The following WDR5B variants were observed in gnomAD, a reference collection of about 807,000 sequenced individuals.
WDR5B encodes WD repeat domain 5B.
WDR5B carries 17 observed loss-of-function variants against 24.0 expected under a neutral mutation model. The ratio of observed to expected loss-of-function variants is 0.71; its 90% confidence interval spans 0.49 to 1.06. WDR5B has a LOEUF of 1.06. Among genes scored for constraint, WDR5B ranks in the 50% least tolerant of loss-of-function variants. WDR5B has a pLI of 0.00. For synonymous variants in WDR5B, 150 were observed against 146.4 expected, an observed-to-expected ratio of 1.02 and a Z score of -0.18; for missense variants, 368 against 384.1, an observed-to-expected ratio of 0.96 and a Z score of 0.35.
Position 122,415,731 on chromosome 3 carries a change from TTTTG to T in WDR5B, c.-207_-204del. 2 of 602,206 alleles carry T rather than the reference TTTTG, an allele frequency of 3.3e-6. No homozygotes were observed. The highest frequency in any genetic ancestry group is 2.8e-6 in the Non-Finnish European group (1 of 353,470). The allele number at this position is 602,206 out of a possible 1,614,324, so 37.3% of individuals were successfully genotyped here. On this transcript the variant is annotated 5_prime_UTR_variant, in exon 1 of 1. The change creates a premature stop within an existing upstream ORF in the 5' untranslated region. Coordinates refer to ENST00000330689, the MANE Select transcript of WDR5B (RefSeq NM_019069.4). ...CGGCTTGGACTTCAAGTTTTCATCT[TTTTG>T]TTAAGTACTTGAGAAATACTGTTAG...
rs923672188 is a variant in WDR5B, at chr3:122,412,115, C to T, written c.*2421G>A. On this transcript the variant is annotated 3_prime_UTR_variant, in exon 1 of 1. Transcript: ENST00000330689. Reference sequence around the variant, plus strand: ...ATAGTCCTCAGATTTATCAAGCAAACGAAACTGAATGAGCACTACTATAAG... The same window carrying T: ...ATAGTCCTCAGATTTATCAAGCAAATGAAACTGAATGAGCACTACTATAAG... The T allele has an allele frequency of 4.6e-5, 7 of 152,214 alleles. No homozygotes were observed. The highest frequency in any genetic ancestry group is 1.0e-4 in the Non-Finnish European group (7 of 68,030). 9.4% of individuals were successfully genotyped at this position (152,214 alleles called of 1,614,324 possible).
At position 122,414,883 on chromosome 3, in the gene WDR5B, CAA is replaced by C. The variant is rs747942214; in HGVS notation, c.644_645del (p.Phe215CysfsTer8). 23 of 1,613,996 alleles carry C rather than the reference CAA, an allele frequency of 1.4e-5. No homozygotes were observed. Among genetic ancestry groups the C allele is most frequent in the Admixed American group, 3.3e-5 (2 of 59,990 alleles). On this transcript the variant is annotated frameshift_variant, in exon 1 of 1. Coordinates refer to ENST00000330689, the MANE Select transcript of WDR5B (RefSeq NM_019069.4). LOFTEE classifies it high-confidence loss of function. ...LVDDDNPPVSFVKFSPNGKYI... is the reference protein window; with the variant it reads ...LVDDDNPPVSXVKFSPNGKYI... ...TATTTACCATTTGGAGAAAATTTTA[CAA>C]AAGAGACAGGAGGGTTATCGTCATC...
At position 122,414,461 on chromosome 3, in the gene WDR5B, A is replaced by C; in HGVS notation, c.*75T>G. 6.7e-7 allele frequency: 1 copy of C among 1,503,308 alleles called. No homozygotes were observed. The highest frequency in any genetic ancestry group is 8.8e-7 in the Non-Finnish European group (1 of 1,130,030). The allele number at this position is 1,503,308 out of a possible 1,614,324, so 93.1% of individuals were successfully genotyped here. ...AATTTTTAAAATACCAAACTGCCAA[A>C]ATTAAAAGAAACCGTCTTTTTAAAT... is the stretch of plus-strand genomic sequence containing the variant. On this transcript the variant is annotated 3_prime_UTR_variant, in exon 1 of 1. Transcript: ENST00000330689.
In WDR5B at chr3:122,414,005, A is replaced by C. The variant is rs1357764497; in HGVS notation, c.*531T>G. 3.7e-5 allele frequency: 6 copies of C among 161,164 alleles called. No individual in the cohort carries two copies. Among genetic ancestry groups the C allele is most frequent in the Non-Finnish European group, 6.8e-5 (5 of 73,456 alleles). 10.0% of individuals were successfully genotyped at this position (161,164 alleles called of 1,614,324 possible). ...CACACACACACATACACACCACAGAATACTACTCAGCCAAAAAAAAATAAT... is the reference window on the plus strand; with the variant it reads ...CACACACACACATACACACCACAGACTACTACTCAGCCAAAAAAAAATAAT... On this transcript the variant is annotated 3_prime_UTR_variant, in exon 1 of 1. Transcript: ENST00000330689.
At position 122,414,409 on chromosome 3, in the gene WDR5B, T is replaced by C; in HGVS notation, c.*127A>G. ...ACTATCTCATTTTGTAAATGTAGTG[T>C]ATGAATCTCAAAATTTAACAATAGA... On this transcript the variant is annotated 3_prime_UTR_variant, in exon 1 of 1. Transcript: ENST00000330689. The C allele has an allele frequency of 3.5e-6, 4 of 1,147,208 alleles. No individual in the cohort carries two copies. Among genetic ancestry groups the C allele is most frequent in the Non-Finnish European group, 4.8e-6 (4 of 831,940 alleles). The allele number at this position is 1,147,208 out of a possible 1,614,324, so 71.1% of individuals were successfully genotyped here.
Position 122,414,965 on chromosome 3 carries a change from A to G in WDR5B, c.564T>C (p.Asp188=). The G allele has an allele frequency of 1.2e-6, 2 of 1,614,236 alleles. No homozygotes were observed. Among genetic ancestry groups the G allele is most frequent in the African/African-American group, 2.7e-5 (2 of 75,062 alleles). Residue 188 remains aspartate (D), a synonymous_variant, in exon 1 of 1, where the codon GAT becomes GAC. Coordinates refer to ENST00000330689, the MANE Select transcript of WDR5B (RefSeq NM_019069.4). ...SGSLIVSGSY[D]GLCRIWDAAS... ...CAGCATCCCAGATTCTACAGAGGCC[A>G]TCATAGCTACCTGACACTATCAAGG...
Position 122,412,792 on chromosome 3 carries a change from T to G in WDR5B, c.*1744A>C, listed in dbSNP as rs1304631238. 6.6e-6 allele frequency: 1 copy of G among 152,232 alleles called. No homozygotes were observed. The highest frequency in any genetic ancestry group is 1.5e-5 in the Non-Finnish European group (1 of 68,054). 9.4% of individuals were successfully genotyped at this position (152,232 alleles called of 1,614,324 possible). A position where few individuals can be genotyped will look rare whatever the true frequency, so the allele number is the denominator to read the frequency against. On this transcript the variant is annotated 3_prime_UTR_variant, in exon 1 of 1. Coordinates refer to ENST00000330689, the MANE Select transcript of WDR5B (RefSeq NM_019069.4). ...TGAAAGGTCCTTGAGAAACACCATT[T>G]ATAATGTTGTTTTGGTTTTTGAAAT...
Position 122,415,706 on chromosome 3 carries a change from C to A in WDR5B, c.-178G>T. 1.4e-6 allele frequency: 1 copy of A among 706,524 alleles called. No individual in the cohort carries two copies. Among genetic ancestry groups the A allele is most frequent in the Non-Finnish European group, 2.2e-6 (1 of 445,694 alleles). 43.8% of individuals were successfully genotyped at this position (706,524 alleles called of 1,614,324 possible). ...AAACTGTGAGACGGAATCAGCAGCACGGCTTGGACTTCAAGTTTTCATCTT... is the reference window on the plus strand; with the variant it reads ...AAACTGTGAGACGGAATCAGCAGCAAGGCTTGGACTTCAAGTTTTCATCTT... On this transcript the variant is annotated 5_prime_UTR_variant, in exon 1 of 1. Transcript: ENST00000330689.
Position 122,414,301 on chromosome 3 carries a change from A to C in WDR5B, c.*235T>G. The C allele has an allele frequency of 1.7e-6, 1 of 584,480 alleles. No homozygotes were observed. The highest frequency in any genetic ancestry group is 2.2e-5 in the South Asian group (1 of 45,998). 36.2% of individuals were successfully genotyped at this position (584,480 alleles called of 1,614,324 possible). On this transcript the variant is annotated 3_prime_UTR_variant, in exon 1 of 1. Transcript: ENST00000330689. ...CTATGCAATATATCCCTGTAATAAA[A>C]GTGACATAAATCCATAAAAATTACA...
Position 122,414,721 on chromosome 3 carries a change from T to A in WDR5B, c.808A>T (p.Ile270Phe), listed in dbSNP as rs771557330. The change falls in exon 1 of 1, where the codon ATT becomes TTT. Residue 270 changes from isoleucine (I) to phenylalanine (F), a missense_variant. Transcript: ENST00000330689. ...ANFSVTGGKW[I>F]VSGSEDNLVY... ...AGGTTATCCTCGGAACCAGACACAA[T>A]CCACTTTCCACCAGTAACTGAAAAA... 3 of 1,614,094 alleles carry A rather than the reference T, an allele frequency of 1.9e-6. No homozygotes were observed. The African/African-American group carries it at 4.0e-5, about 22-fold the overall frequency.
rs1055871078 is a variant in WDR5B at position 122,412,689 on chromosome 3, G to A, written c.*1847C>T. On this transcript the variant is annotated 3_prime_UTR_variant, in exon 1 of 1. Coordinates refer to ENST00000330689, the MANE Select transcript of WDR5B (RefSeq NM_019069.4). Reference sequence around the variant, plus strand: ...AGCATGGGCAGGAATTAGTAGGTCAGACACAGAACAAAAGAAGAGCAGTCT... The same window carrying A: ...AGCATGGGCAGGAATTAGTAGGTCAAACACAGAACAAAAGAAGAGCAGTCT... 4 of 152,188 alleles carry A rather than the reference G, an allele frequency of 2.6e-5. No individual in the cohort carries two copies. The highest frequency in any genetic ancestry group is 5.9e-5 in the Non-Finnish European group (4 of 68,048). 9.4% of individuals were successfully genotyped at this position (152,188 alleles called of 1,614,324 possible).
At position 122,412,330 on chromosome 3, in the gene WDR5B, G is replaced by A. The variant is rs2075709602; in HGVS notation, c.*2206C>T. ...TTGTTTGAATAAAGTTAATGTGTGA[G>A]GTTACGGTTACTTTTTATTTTTAAT... On this transcript the variant is annotated 3_prime_UTR_variant, in exon 1 of 1. Coordinates refer to ENST00000330689, the MANE Select transcript of WDR5B (RefSeq NM_019069.4). 1 of 152,068 alleles carries A rather than the reference G, an allele frequency of 6.6e-6. No homozygotes were observed. The highest frequency in any genetic ancestry group is 1.5e-5 in the Non-Finnish European group (1 of 68,020). 9.4% of individuals were successfully genotyped at this position (152,068 alleles called of 1,614,324 possible). A position where few individuals can be genotyped will look rare whatever the true frequency, so the allele number is the denominator to read the frequency against.
Position 122,414,881 on chromosome 3 carries a change from T to C in WDR5B, c.648A>G (p.Val216=), listed in dbSNP as rs1431648615. The C allele has an allele frequency of 6.2e-7, 1 of 1,614,220 alleles. No individual in the cohort carries two copies. The highest frequency in any genetic ancestry group is 1.1e-5 in the South Asian group (1 of 91,090). ...VDDDNPPVSF[V]KFSPNGKYIL... Reference sequence around the variant, plus strand: ...TGTATTTACCATTTGGAGAAAATTTTACAAAAGAGACAGGAGGGTTATCGT... The same window carrying C: ...TGTATTTACCATTTGGAGAAAATTTCACAAAAGAGACAGGAGGGTTATCGT... Residue 216 remains valine, a synonymous_variant, in exon 1 of 1, where the codon GTA becomes GTG. Transcript: ENST00000330689.
rs1235316084 is a variant in WDR5B at position 122,414,916 on chromosome 3, G to C, written c.613C>G (p.Leu205Val). 1 of 1,614,040 alleles carries C rather than the reference G, an allele frequency of 6.2e-7. No individual in the cohort carries two copies. The highest frequency in any genetic ancestry group is 8.5e-7 in the Non-Finnish European group (1 of 1,180,050). The part of the protein sequence containing the change: ...DAASGQCLKT[L>V]VDDDNPPVSF... The stretch of plus-strand genomic sequence containing the variant: ...ACAGGAGGGTTATCGTCATCAACGA[G>C]CGTTTTTAAACACTGACCTGATGCA... The change falls in exon 1 of 1, where the codon CTC becomes GTC. Residue 205 changes from leucine to valine, a missense_variant. Transcript: ENST00000330689.
rs6777596 is a variant in WDR5B at position 122,414,474 on chromosome 3, C to G, written c.*62G>C. On this transcript the variant is annotated 3_prime_UTR_variant, in exon 1 of 1. Coordinates refer to ENST00000330689, the MANE Select transcript of WDR5B (RefSeq NM_019069.4). ...CCAAACTGCCAAAATTAAAAGAAACCGTCTTTTTAAATATCCAAGTTTTTT... is the reference window on the plus strand; with the variant it reads ...CCAAACTGCCAAAATTAAAAGAAACGGTCTTTTTAAATATCCAAGTTTTTT... The G allele has an allele frequency of 4.5e-5, 68 of 1,516,228 alleles. No individual in the cohort carries two copies. The South Asian group carries it at 8.2e-4, about 18-fold the overall frequency. 93.9% of individuals were successfully genotyped at this position (1,516,228 alleles called of 1,614,324 possible).
In WDR5B at chr3:122,415,386, T is replaced by G. The variant is rs1467401577; in HGVS notation, c.143A>C (p.Lys48Thr). The part of the protein sequence containing the change: ...VGHTEAVSSV[K>T]FSPNGEWLAS... ...TAGCCATTCTCCATTAGGACTAAAC[T>G]TAACTGATGACACTGCTTCCGTGTG... The change falls in exon 1 of 1, where the codon AAG becomes ACG. Residue 48 changes from lysine (K) to threonine (T), a missense_variant. Lys to Thr is a moderately conservative substitution (Grantham distance 78). Coordinates refer to ENST00000330689, the MANE Select transcript of WDR5B (RefSeq NM_019069.4). 2 of 1,614,218 alleles carry G rather than the reference T, an allele frequency of 1.2e-6. No homozygotes were observed. Among genetic ancestry groups the G allele is most frequent in the East Asian group, 2.2e-5 (1 of 44,888 alleles).
At position 122,414,967 on chromosome 3, in the gene WDR5B, C is replaced by G. The variant is rs770924464; in HGVS notation, c.562G>C (p.Asp188His). 4 of 1,614,078 alleles carry G rather than the reference C, an allele frequency of 2.5e-6. No homozygotes were observed. The highest frequency in any genetic ancestry group is 3.4e-6 in the Non-Finnish European group (4 of 1,180,040). Residue 188 changes from aspartate (D) to histidine (H), a missense_variant, in exon 1 of 1, where the codon GAT becomes CAT. By Grantham distance (81) the Asp-to-His change is moderately conservative. Transcript: ENST00000330689. ...SGSLIVSGSY[D>H]GLCRIWDAAS... ...GCATCCCAGATTCTACAGAGGCCAT[C>G]ATAGCTACCTGACACTATCAAGGAC...
chr3:122,415,816 A>C lies in WDR5B; in HGVS notation c.-288T>G. The C allele has an allele frequency of 2.8e-6, 1 of 358,388 alleles. No homozygotes were observed. Among genetic ancestry groups the C allele is most frequent in the Non-Finnish European group, 5.3e-6 (1 of 189,020 alleles). The allele number at this position is 358,388 out of a possible 1,614,324, so 22.2% of individuals were successfully genotyped here. On this transcript the variant is annotated 5_prime_UTR_variant, in exon 1 of 1. Transcript: ENST00000330689. ...CACAAATGTTCGGCATTCCGTTAAT[A>C]CATAAAGCCTTCAAAGCAGGGGCGA... is the stretch of plus-strand genomic sequence containing the variant.
chr3:122,414,363 A>T lies in WDR5B; in HGVS notation c.*173T>A. ...AAAAAAGATTGGTAGTCAGAAGCTG[A>T]ATTCTAGATGTGCTTTTTCAACTAT... On this transcript the variant is annotated 3_prime_UTR_variant, in exon 1 of 1. Coordinates refer to ENST00000330689, the MANE Select transcript of WDR5B (RefSeq NM_019069.4). The T allele has an allele frequency of 1.2e-6, 1 of 826,758 alleles. No individual in the cohort carries two copies. The highest frequency in any genetic ancestry group is 1.8e-6 in the Non-Finnish European group (1 of 553,078). The allele number at this position is 826,758 out of a possible 1,614,324, so 51.2% of individuals were successfully genotyped here. A position where few individuals can be genotyped will look rare whatever the true frequency, so the allele number is the denominator to read the frequency against.
Sources: allele counts gnomAD v4.1 joint callset, GRCh38; gene constraint gnomAD v4.1.1; transcripts MANE v1.5; gene names NCBI Gene and HGNC (gene_info 2026-07-23, HGNC 2026-07-21).